LARP1B: variants seen among roughly 807,000 people sequenced by gnomAD.
The protein encoded by LARP1B is la-related protein 1B.
LARP1B carries 76 observed loss-of-function variants against 114.2 expected under a neutral mutation model. The ratio of observed to expected loss-of-function variants is 0.67; its 90% CI spans 0.55 to 0.81. The LOEUF (loss-of-function observed/expected upper bound fraction) is 0.81. LARP1B is among the 30% of genes least tolerant of loss of function. The probability of loss-of-function intolerance (pLI) is 0.00; values close to 1 mark genes in which losing one functional copy is unlikely to be tolerated. For missense variants in LARP1B, 1,014 were observed against 1,075.8 expected, an observed-to-expected ratio of 0.94 and a Z score of 0.80; for synonymous variants, 345 against 348.0, an observed-to-expected ratio of 0.99 and a Z score of 0.10.
At chr4:128,069,720 C>T (rs1244059963) in intron 1 of LARP1B, 2 of 319,348 alleles carry the variant, frequency 6.3e-6, no homozygotes, top group Admixed American at 4.7e-5. Flanking sequence ...TTGTTTTTTG[C>T]CTATTAAACA....
At chr4:128,147,877 A>G (rs1731045215) in intron 11 of LARP1B, among the ~76,000 whole-genome samples, 1 of 152,218 alleles carries the variant, frequency 6.6e-6, no homozygotes, top group African/African-American at 2.4e-5. Flanking sequence ...GTGTTTATTA[A>G]TAGCCTGTTG....
At chr4:128,213,957 G>A (rs1340560464), downstream of LARP1B, among the ~76,000 whole-genome samples, 2 of 151,632 alleles carry the variant, frequency 1.3e-5, no homozygotes, top group East Asian at 2.0e-4. Context: ...CACCGTGCGC[G>A]AGCCGAAGCA....
chr4:128,209,183 C>A (rs1349214325), intron 19 of LARP1B, among the ~76,000 whole-genome samples: 1 of 152,150 alleles, frequency 6.6e-6, no homozygotes, highest in East Asian at 1.9e-4. Flanking sequence ...CTTTGGGAGG[C>A]CGAGGCGGGT....
At chr4:128,162,367 C>A (rs534104094) in intron 12 of LARP1B, 50 bp downstream of exon 12, 49 of 1,491,132 alleles carry the variant, frequency 3.3e-5, no homozygotes, top group Non-Finnish European at 4.3e-5. Flanking sequence ...TAAAGCAGTT[C>A]TGAATTGTTT....
At chr4:128,221,923 A>G (rs1252545165) in intron 7 of LARP1B, among the ~76,000 whole-genome samples, 1 of 152,242 alleles carries the variant, frequency 6.6e-6, no homozygotes, top group Non-Finnish European at 1.5e-5. Context: ...AATGCACAGC[A>G]TGTAACACAG....
At chr4:128,201,303 A>G (rs1471135009) in intron 17 of LARP1B, among the ~76,000 whole-genome samples, 1 of 152,224 alleles carries the variant, frequency 6.6e-6, no homozygotes. Flanking sequence ...TGGGATCATT[A>G]GGAACCATCT....
rs1219437718 is a variant in LARP1B, at chr4:128,091,120, G to A, written c.478G>A (p.Gly160Arg). 6.2e-7 allele frequency: 1 copy of A among 1,613,516 alleles called. No homozygotes were observed. The highest frequency in any genetic ancestry group is 2.2e-5 in the East Asian group (1 of 44,880). ...AGGAAGAGGCCGAGGACGGGGAAGAGGACGAGGCAGAGGAAATCCTCGATG... is the reference window on the plus strand; with the variant it reads ...AGGAAGAGGCCGAGGACGGGGAAGAAGACGAGGCAGAGGAAATCCTCGATG... ...GRGRGRGRGR[G>R]RGRGNPRLNF... Residue 160 changes from glycine (G) to arginine (R), a missense_variant, in exon 6 of 20, where the codon GGA becomes AGA. Physicochemically the swap from Gly to Arg is moderately radical, Grantham distance 125. Coordinates refer to ENST00000326639, the MANE Select transcript of LARP1B (RefSeq NM_018078.4).
intron 11 of LARP1B, among the ~76,000 whole-genome samples, chr4:128,160,205 G>A (rs1243456077): frequency 2.0e-5 from 3 of 152,208 alleles, no homozygotes; most frequent in Admixed American, 6.5e-5. Flanking sequence ...TAGCCTTTGG[G>A]CCTGTAGTTT....
At chr4:128,081,378 CTTT>C (rs35763535) in intron 4 of LARP1B, among the ~76,000 whole-genome samples, 160 of 110,640 alleles carry the variant, frequency 1.4e-3, no homozygotes, top group African/African-American at 4.6e-3. Context: ...TGCGCCCGGC[CTTT>C]TTTTTTTTTT....
chr4:128,205,655 G>A (rs914578592), intron 17 of LARP1B, among the ~76,000 whole-genome samples: 1 of 150,938 alleles, frequency 6.6e-6, no homozygotes, highest in Admixed American at 6.7e-5. Flanking sequence ...TAGTTGAATG[G>A]GACAGCCACA....
chr4:128,091,414 A>G lies in LARP1B; in HGVS notation c.570A>G (p.Glu190=). 1 of 1,610,534 alleles carries G rather than the reference A, an allele frequency of 6.2e-7. No individual in the cohort carries two copies. The highest frequency in any genetic ancestry group is 8.5e-7 in the Non-Finnish European group (1 of 1,176,842). Residue 190 remains glutamate (E), a synonymous_variant, in exon 7 of 20, where the codon GAA becomes GAG. Transcript: ENST00000326639. ...GERTDQPFQT[E]LNTSMMYYYD... ...GGACTGATCAACCATTTCAAACAGAACTTAATACCAGTATGATGTATTACT... is the reference window on the plus strand; with the variant it reads ...GGACTGATCAACCATTTCAAACAGAGCTTAATACCAGTATGATGTATTACT...
intron 5 of LARP1B, among the ~76,000 whole-genome samples, chr4:128,089,893 A>G (rs1580171245): frequency 1.4e-5 from 2 of 143,548 alleles, no homozygotes; most frequent in African/African-American, 5.2e-5. Context: ...GCCTCAGCCT[A>G]CTGAGTAGCT....
chr4:128,143,676 A>T (rs1729046048), intron 11 of LARP1B, among the ~76,000 whole-genome samples: 1 of 152,186 alleles, frequency 6.6e-6, no homozygotes, highest in Admixed American at 6.6e-5. Flanking sequence ...GAATGAATTA[A>T]TAAGCAGAAA....
chr4:128,206,284 C>G (rs1022261331), intron 17 of LARP1B, 144 bp from the exon 18 acceptor site: 1 of 514,492 alleles, frequency 1.9e-6, no homozygotes, highest in Admixed American at 3.9e-5. Flanking sequence ...AAGAGTGAGA[C>G]TCTGTCTCAA....
rs182804258 is a variant in LARP1B, at chr4:128,135,310, C to T, written c.1524+13122C>T. 3.8e-4 allele frequency among the ~76,000 whole-genome samples: 58 copies of T among 152,044 alleles called. No individual in the cohort carries two copies. The East Asian group carries it at 7.0e-3, about 18-fold the overall frequency. On this transcript the variant is annotated intron_variant, in intron 11 of 19. Coordinates refer to ENST00000326639, the MANE Select transcript of LARP1B (RefSeq NM_018078.4). ...AGGATTTGGAGAAATTAGACCCTTG[C>T]GAACTCTCATGTGAATGTAAAATGG... is the stretch of plus-strand genomic sequence containing the variant.
rs540224934 is a variant in LARP1B, at chr4:128,197,466, C to A, written c.2004-1973C>A. ...ATCCCAGCACTTTGGGAGGCCGAGGCGGGCAGATCACGAGGTCAAGAGATT... is the reference window on the plus strand; with the variant it reads ...ATCCCAGCACTTTGGGAGGCCGAGGAGGGCAGATCACGAGGTCAAGAGATT... On this transcript the variant is annotated intron_variant, in intron 15 of 19. Transcript: ENST00000326639. 7.2e-5 allele frequency among the ~76,000 whole-genome samples: 11 copies of A among 152,194 alleles called. 1 individual carries two copies. The highest frequency in any genetic ancestry group is 4.6e-4 in the Admixed American group (7 of 15,290).
At position 128,122,117 on chromosome 4, in the gene LARP1B, A is replaced by C; in HGVS notation, c.1453A>C (p.Asn485His). 6.2e-7 allele frequency: 1 copy of C among 1,614,142 alleles called. No individual in the cohort carries two copies. The highest frequency in any genetic ancestry group is 1.3e-5 in the African/African-American group (1 of 75,076). The change falls in exon 11 of 20, where the codon AAT becomes CAT. Residue 485 changes from asparagine to histidine, a missense_variant. Coordinates refer to ENST00000326639, the MANE Select transcript of LARP1B (RefSeq NM_018078.4). Reference protein sequence around the residue: ...KITSELAKVINDGLYYYEQDL... With the variant: ...KITSELAKVIHDGLYYYEQDL... ...CACATCTGAACTTGCTAAAGTTATCAATGATGGCTTATACTATTATGAACA... is the reference window on the plus strand; with the variant it reads ...CACATCTGAACTTGCTAAAGTTATCCATGATGGCTTATACTATTATGAACA...
intron 15 of LARP1B, among the ~76,000 whole-genome samples, chr4:128,194,262 G>C (rs1753268048): frequency 6.6e-6 from 1 of 152,096 alleles, no homozygotes; most frequent in East Asian, 2.0e-4. Context: ...AATAGAGACA[G>C]GGTTTCACCG....
intron 5 of LARP1B, among the ~76,000 whole-genome samples, chr4:128,086,546 C>G (rs1000472173): frequency 6.6e-6 from 1 of 151,876 alleles, no homozygotes; most frequent in African/African-American, 2.4e-5. Context: ...CCAGGCTGGT[C>G]TCAAACTCTT....
Sources: allele counts gnomAD v4.1 joint callset (sites outside exome capture counted in the v4.1 genomes callset), GRCh38; gene constraint gnomAD v4.1.1; transcripts MANE v1.5; gene names NCBI Gene and HGNC (gene_info 2026-07-23, HGNC 2026-07-21).